Variants in ZNF280D observed in about 807,000 individuals in gnomAD.
The protein encoded by ZNF280D is suppressor of hairy wing homolog 4.
ZNF280D carries 39 observed loss-of-function variants against 94.7 expected under a neutral mutation model. That is an observed-to-expected ratio of 0.41 (90% confidence interval 0.32 to 0.54). The LOEUF (loss-of-function observed/expected upper bound fraction) is 0.54. Ranked by LOEUF, ZNF280D falls within the 20% of genes least tolerant of loss-of-function variation. ZNF280D has a pLI of 0.22. For synonymous variants in ZNF280D, 398 were observed against 377.6 expected, an observed-to-expected ratio of 1.05 and a Z score of -0.63; for missense variants, 1,090 against 1,149.3, an observed-to-expected ratio of 0.95 and a Z score of 0.75.
At chr15:56,671,157 G>T (rs1320747367) in intron 13 of ZNF280D, among the ~76,000 whole-genome samples, 1 of 152,060 alleles carries the variant, frequency 6.6e-6, no homozygotes, top group African/African-American at 2.4e-5. Context: ...TTCTTTTGCT[G>T]TGCAGAAGCT....
chr15:56,720,002 G>C (rs755453544), intron 1 of ZNF280D, among the ~76,000 whole-genome samples: 4 of 151,764 alleles, frequency 2.6e-5, no homozygotes, highest in Non-Finnish European at 5.9e-5. Context: ...AATCAGGGTA[G>C]TGGCTGGCTG....
intron 7 of ZNF280D, among the ~76,000 whole-genome samples, chr15:56,692,220 G>T (rs567035554): frequency 1.3e-5 from 2 of 151,854 alleles, no homozygotes; most frequent in South Asian, 4.2e-4. Flanking sequence ...ATACGTAAGT[G>T]ACACCCAGAG....
intron 1 of ZNF280D, among the ~76,000 whole-genome samples, chr15:56,725,986 T>C (rs867248359): frequency 5.3e-5 from 8 of 152,306 alleles, no homozygotes; most frequent in Middle Eastern, 3.4e-3. Context: ...AAATATTTTT[T>C]GGTGTAATCC....
intron 16 of ZNF280D, among the ~76,000 whole-genome samples, chr15:56,662,269 G>T (rs1384132040): frequency 6.6e-6 from 1 of 151,434 alleles, no homozygotes; most frequent in African/African-American, 2.4e-5. Flanking sequence ...ATAATTTAAA[G>T]AACTGAACCT....
At chr15:56,668,609 T>G (rs2054461448) in intron 14 of ZNF280D, among the ~76,000 whole-genome samples, 1 of 152,046 alleles carries the variant, frequency 6.6e-6, no homozygotes, top group Non-Finnish European at 1.5e-5. Context: ...TGAGTTGTAC[T>G]TTTTAAAAAG....
intron 7 of ZNF280D, 110 bp downstream of exon 7, chr15:56,692,988 T>C (rs1284505605): frequency 1.1e-5 from 7 of 617,238 alleles, no homozygotes; most frequent in Non-Finnish European, 2.0e-5. Flanking sequence ...CCTTACAATA[T>C]ATGAAAAACT....
rs2053125523 is a variant in ZNF280D, at chr15:56,650,186, C to T, written c.2213+4012G>A. Among the ~76,000 whole-genome samples the T allele has an allele frequency of 2.6e-5, 4 of 151,930 alleles. No homozygotes were observed. In the South Asian group the frequency reaches 8.3e-4, roughly 32 times the overall value. ...AACACCTGACACAGAATCTTGCACA[C>T]ATAAAAAGTAGGGTGTCAATGTTCA... On this transcript the variant is annotated intron_variant, in intron 19 of 21. Coordinates refer to ENST00000267807, the MANE Select transcript of ZNF280D (RefSeq NM_017661.4).
intron 13 of ZNF280D, among the ~76,000 whole-genome samples, chr15:56,676,039 C>G (rs2055209189): frequency 6.6e-6 from 1 of 151,412 alleles, no homozygotes; most frequent in Non-Finnish European, 1.5e-5. Context: ...GGTACAAGCA[C>G]TAATATTGAG....
chr15:56,706,388 G>C (rs1464740191), intron 3 of ZNF280D, among the ~76,000 whole-genome samples: 1 of 151,780 alleles, frequency 6.6e-6, no homozygotes, highest in Non-Finnish European at 1.5e-5. Context: ...TGAGGCGGGA[G>C]AATCACTTGA....
intron 13 of ZNF280D, among the ~76,000 whole-genome samples, chr15:56,673,408 T>G (rs978751744): frequency 6.6e-6 from 1 of 152,018 alleles, no homozygotes; most frequent in Non-Finnish European, 1.5e-5. Context: ...TAGTAAAACC[T>G]CTCAGCTCTA....
chr15:56,654,480 T>A lies in ZNF280D; in HGVS notation c.2081A>T (p.Asn694Ile), dbSNP rs1412252728. 6.2e-7 allele frequency: 1 copy of A among 1,606,290 alleles called. No individual in the cohort carries two copies. Among genetic ancestry groups the A allele is most frequent in the Non-Finnish European group, 8.5e-7 (1 of 1,177,918 alleles). ...AGAAACATCACTTAGGAAATCACAA[T>A]TAAGGCACACTAGAGTAATGCCCCT... ...NLRGITLVCL[N>I]CDFLSDVSGL... The change falls in exon 18 of 22, where the codon AAT becomes ATT. Residue 694 changes from asparagine to isoleucine, a missense_variant. Physicochemically the swap from Asn to Ile is moderately radical, Grantham distance 149. Around this residue, in one of 3 missense-constraint regions of ZNF280D, gnomAD observed 577 missense variants for 568.8 expected, o/e 1.01. Transcript: ENST00000267807.
intron 20 of ZNF280D, among the ~76,000 whole-genome samples, chr15:56,636,536 T>G (rs1303387717): frequency 6.9e-6 from 1 of 144,974 alleles, no homozygotes; most frequent in Non-Finnish European, 1.5e-5. Context: ...TAGGATGGAG[T>G]GCAGTGGTAT....
At chr15:56,634,978 G>T (rs965770297) in intron 21 of ZNF280D, among the ~76,000 whole-genome samples, 2 of 151,954 alleles carry the variant, frequency 1.3e-5, no homozygotes, top group African/African-American at 4.8e-5. Context: ...CATAAAATAT[G>T]CTCTATATGT....
chr15:56,721,934 G>C (rs556841280), intron 1 of ZNF280D, among the ~76,000 whole-genome samples: 6 of 152,276 alleles, frequency 3.9e-5, no homozygotes, highest in African/African-American at 1.4e-4. Context: ...CTTTCAACAC[G>C]CCTTCCTCAC....
chr15:56,658,510 A>C (rs1350572439), intron 16 of ZNF280D, 24 bp from the exon 17 acceptor site: 1 of 1,509,408 alleles, frequency 6.6e-7, no homozygotes, highest in African/African-American at 1.4e-5. Context: ...AGAGATAGTA[A>C]AAATTTTATT....
chr15:56,662,661 C>A (rs1243023728), intron 16 of ZNF280D, among the ~76,000 whole-genome samples: 1 of 151,814 alleles, frequency 6.6e-6, no homozygotes, highest in Admixed American at 6.6e-5. Context: ...CCCATCTCTA[C>A]TAAAAATACA....
intron 1 of ZNF280D, among the ~76,000 whole-genome samples, chr15:56,708,796 G>A (rs1355182898): frequency 6.6e-6 from 1 of 152,106 alleles, no homozygotes; most frequent in Non-Finnish European, 1.5e-5. Context: ...GGGAAAACTG[G>A]CTAGCCATAT....
chr15:56,729,492 T>C (rs2058784294), intron 1 of ZNF280D, among the ~76,000 whole-genome samples: 2 of 152,216 alleles, frequency 1.3e-5, no homozygotes, highest in Non-Finnish European at 2.9e-5. Flanking sequence ...CAACCATCAA[T>C]GAATTTTAAA....
At chr15:56,674,689 T>C (rs1241846887) in intron 13 of ZNF280D, among the ~76,000 whole-genome samples, 1 of 152,028 alleles carries the variant, frequency 6.6e-6, no homozygotes, top group Non-Finnish European at 1.5e-5. Flanking sequence ...AACAAGAAAA[T>C]GCATGTAAAG....
Sources: gnomAD v4.1 joint callset for allele counts (sites outside exome capture counted in the v4.1 genomes callset) on GRCh38, gnomAD v4.1.1 for gene constraint, gnomAD v4.1.1 regional missense constraint, MANE v1.5 for transcripts, NCBI Gene and HGNC (gene_info 2026-07-23, HGNC 2026-07-21) for gene names.